The following KPNA6 variants were observed in gnomAD, a reference collection of about 807,000 sequenced individuals.
KPNA6 encodes the protein karyopherin subunit alpha 6.
KPNA6 carries 9 observed loss-of-function variants against 72.0 expected under a neutral mutation model. The observed-to-expected ratio is 0.13, with a 90% CI of 0.08 to 0.22. KPNA6 has a LOEUF of 0.22. Among genes scored for constraint, KPNA6 ranks in the 10% least tolerant of loss-of-function variants. KPNA6 has a pLI of 1.00. For synonymous variants in KPNA6, 219 were observed against 242.1 expected (o/e 0.90, Z 0.89); for missense variants, 374 against 655.7 (o/e 0.57, Z 4.69).
chr1:32,168,215 TGAAA>T (rs1225248906), intron 12 of KPNA6, among the ~76,000 whole-genome samples: 3 of 152,356 alleles, frequency 2.0e-5, no homozygotes, highest in African/African-American at 7.2e-5. Context: ...ATATGAGACT[TGAAA>T]GAAGCGAATA....
At chr1:32,134,057 A>C (rs532923285) in intron 1 of KPNA6, among the ~76,000 whole-genome samples, 11 of 152,106 alleles carry the variant, frequency 7.2e-5, no homozygotes, top group Non-Finnish European at 1.2e-4. Context: ...AGCCTGGCCA[A>C]CATGGTGAAA....
chr1:32,156,810 T>A, intron 2 of KPNA6, 43 bp from the exon 3 acceptor site: 2 of 1,402,772 alleles, frequency 1.4e-6, no homozygotes, highest in Non-Finnish European at 2.0e-6. Context: ...TTTGTTTTCT[T>A]TGGTTCAGAG....
At chr1:32,148,086 T>G (rs1641962409) in intron 1 of KPNA6, among the ~76,000 whole-genome samples, 1 of 152,148 alleles carries the variant, frequency 6.6e-6, no homozygotes, top group Non-Finnish European at 1.5e-5. Flanking sequence ...TCAGTTTGAT[T>G]ATGTGTCTCA....
chr1:32,123,359 A>G (rs1641472091), intron 1 of KPNA6, among the ~76,000 whole-genome samples: 1 of 152,128 alleles, frequency 6.6e-6, no homozygotes, highest in African/African-American at 2.4e-5. Context: ...ACACTGAGAT[A>G]AACTCTGTAT....
At chr1:32,131,824 T>C (rs926512581) in intron 1 of KPNA6, among the ~76,000 whole-genome samples, 6 of 151,702 alleles carry the variant, frequency 4.0e-5, no homozygotes, top group African/African-American at 1.2e-4. Context: ...CCCCACCTTT[T>C]TTTCTTCTAA....
At chr1:32,111,563 G>A (rs986265278) in intron 1 of KPNA6, among the ~76,000 whole-genome samples, 2 of 152,104 alleles carry the variant, frequency 1.3e-5, no homozygotes, top group African/African-American at 4.8e-5. Flanking sequence ...TCTAATCTAA[G>A]GTATCTTGGG....
chr1:32,162,336 G>A (rs1642254071), intron 8 of KPNA6, 25 bp from the exon 9 acceptor site: 3 of 1,557,102 alleles, frequency 1.9e-6, no homozygotes, highest in African/African-American at 2.7e-5. Context: ...TCCCCTGTGA[G>A]TCTTTCTCAC....
At chr1:32,145,573 C>T (rs1270270188) in intron 1 of KPNA6, among the ~76,000 whole-genome samples, 3 of 152,036 alleles carry the variant, frequency 2.0e-5, no homozygotes, top group African/African-American at 7.2e-5. Context: ...GATCTGCCCA[C>T]CTCGGCCTCC....
At chr1:32,108,214 G>A (rs1395307965) in intron 1 of KPNA6, 80 bp downstream of exon 1, 4 of 1,589,320 alleles carry the variant, frequency 2.5e-6, no homozygotes, top group African/African-American at 2.7e-5. Context: ...CCTGTCTCCG[G>A]TCTGCGGAAG....
Position 32,172,776 on chromosome 1 carries a change from A to T in KPNA6, c.*1882A>T, listed in dbSNP as rs1429919598. ...CCACCCCCACCTCCCCACTGTGGTT[A>T]GTCAGAGGCATCCTGCTCCAAGCTC... On this transcript the variant is annotated 3_prime_UTR_variant, in exon 14 of 14. Coordinates refer to ENST00000373625, the MANE Select transcript of KPNA6 (RefSeq NM_012316.5). The T allele has an allele frequency of 1.3e-5, 3 of 224,600 alleles. No homozygotes were observed. The highest frequency in any genetic ancestry group is 8.6e-6 in the Non-Finnish European group (1 of 116,652). The allele number at this position is 224,600 out of a possible 1,614,324, so 13.9% of individuals were successfully genotyped here.
rs1013781836 is a variant in KPNA6 at position 32,108,204 on chromosome 1, C to A, written c.4+70C>A. On this transcript the variant is annotated intron_variant, in intron 1 of 13. Transcript: ENST00000373625. ...GTCGGGGCCTGGGATTTGGCGAGAGCCTGTCTCCGGTCTGCGGAAGATGTC... is the reference window on the plus strand; with the variant it reads ...GTCGGGGCCTGGGATTTGGCGAGAGACTGTCTCCGGTCTGCGGAAGATGTC... 3.7e-6 allele frequency: 6 copies of A among 1,601,584 alleles called. No homozygotes were observed. The African/African-American group carries it at 8.0e-5, about 21-fold the overall frequency.
intron 1 of KPNA6, among the ~76,000 whole-genome samples, chr1:32,135,267 G>A (rs564482395): frequency 3.3e-5 from 5 of 152,142 alleles, no homozygotes; most frequent in African/African-American, 4.8e-5. Context: ...GGGTTTCTCC[G>A]TGTTGGTCAG....
intron 1 of KPNA6, among the ~76,000 whole-genome samples, chr1:32,150,977 A>G (rs1032585832): frequency 1.9e-4 from 29 of 152,222 alleles, no homozygotes; most frequent in Non-Finnish European, 4.1e-4. Context: ...GCTGGAGTAC[A>G]GCGGTGCAGT....
intron 1 of KPNA6, among the ~76,000 whole-genome samples, chr1:32,153,582 A>G (rs1385956184): frequency 6.6e-6 from 1 of 151,362 alleles, no homozygotes; most frequent in East Asian, 1.9e-4. Context: ...AAAAAAAAAA[A>G]AAAAAAAAGA....
intron 1 of KPNA6, among the ~76,000 whole-genome samples, chr1:32,140,349 A>C (rs1290072248): frequency 1.3e-5 from 2 of 151,870 alleles, no homozygotes; most frequent in Non-Finnish European, 2.9e-5. Context: ...GTGCCACTGC[A>C]CTCCAGCCTG....
chr1:32,126,251 A>G (rs1008878709), intron 1 of KPNA6, among the ~76,000 whole-genome samples: 28 of 151,886 alleles, frequency 1.8e-4, no homozygotes, highest in African/African-American at 6.5e-4. Context: ...AGAGAAATAT[A>G]TAAGGAACCG....
At chr1:32,162,651 A>G in intron 9 of KPNA6, 127 bp downstream of exon 9, 2 of 919,234 alleles carry the variant, frequency 2.2e-6, no homozygotes, top group Non-Finnish European at 3.3e-6. Context: ...CCTGACCAAC[A>G]TGGTGAAACC....
At position 32,163,239 on chromosome 1, in the gene KPNA6, A is replaced by G; in HGVS notation, c.916A>G (p.Asn306Asp). Residue 306 changes from asparagine (N) to aspartate (D), a missense_variant, in exon 10 of 14, where the codon AAT (asparagine) becomes GAT (aspartate). Asn to Asp is a conservative substitution (Grantham distance 23). Around this residue, in one of 3 missense-constraint regions of KPNA6, gnomAD observed 298 missense variants for 495.4 expected, o/e 0.60. Coordinates refer to ENST00000373625, the MANE Select transcript of KPNA6 (RefSeq NM_012316.5). ...TCAGATCTCCCTCCTCTGTAGGCAC[A>G]ATGATTACAAAGTGGCTTCTCCTGC... Reference protein sequence around the residue: ...CRRLVELLMHNDYKVASPALR... With the variant: ...CRRLVELLMHDDYKVASPALR... 1.9e-6 allele frequency: 3 copies of G among 1,611,816 alleles called. No homozygotes were observed. The highest frequency in any genetic ancestry group is 1.3e-5 in the African/African-American group (1 of 75,018).
chr1:32,142,997 G>A, intron 1 of KPNA6: 1 of 1,289,774 alleles, frequency 7.8e-7, no homozygotes, highest in Non-Finnish European at 1.0e-6. Context: ...GGACAGCCCA[G>A]GCTCAGTCAT....
Sources: allele counts gnomAD v4.1 joint callset (sites outside exome capture counted in the v4.1 genomes callset), GRCh38; gene constraint gnomAD v4.1.1; regional missense constraint gnomAD v4.1.1; transcripts MANE v1.5; gene names NCBI Gene and HGNC (gene_info 2026-07-23, HGNC 2026-07-21).